RGS12: variants seen among roughly 807,000 people sequenced by gnomAD.
RGS12 encodes the protein regulator of G-protein signaling 12.
Under a neutral mutation model 120.1 loss-of-function variants are expected in RGS12, and 66 were observed. The observed-to-expected ratio is 0.55, with a 90% CI of 0.45 to 0.67. RGS12 has a LOEUF of 0.67. RGS12 is among the 30% of genes least tolerant of loss of function. The pLI is 0.00. For synonymous variants in RGS12, 827 were observed against 804.7 expected (o/e 1.03, Z -0.47); for missense variants, 1,859 against 1,957.7 (o/e 0.95, Z 0.95).
chr4:3,304,511 T>C (rs936644635), intron 1 of RGS12, among the ~76,000 whole-genome samples: 1 of 152,226 alleles, frequency 6.6e-6, no homozygotes, highest in African/African-American at 2.4e-5. Flanking sequence ...GAGCCCGGAC[T>C]GCAGTCAGCC....
chr4:3,437,940 G>T (rs1434338061), intron 17 of RGS12, among the ~76,000 whole-genome samples: 1 of 152,186 alleles, frequency 6.6e-6, no homozygotes, highest in Non-Finnish European at 1.5e-5. Flanking sequence ...TTGGACTGAG[G>T]GTGAGGAGGG....
At chr4:3,395,144 G>A (rs1397709644) in intron 4 of RGS12, among the ~76,000 whole-genome samples, 1 of 151,984 alleles carries the variant, frequency 6.6e-6, no homozygotes, top group African/African-American at 2.4e-5. Context: ...AGTAGGCAGA[G>A]GTTGCAGTGA....
At chr4:3,404,348 T>C (rs1430571883) in intron 4 of RGS12, among the ~76,000 whole-genome samples, 1 of 152,214 alleles carries the variant, frequency 6.6e-6, no homozygotes, top group African/African-American at 2.4e-5. Context: ...AGTGACTGCA[T>C]GGTAGGTATT....
intron 3 of RGS12, among the ~76,000 whole-genome samples, chr4:3,350,856 A>G (rs1235031296): frequency 6.6e-6 from 1 of 152,252 alleles, no homozygotes; most frequent in African/African-American, 2.4e-5. Flanking sequence ...GATGTAACAT[A>G]CAATATGTAT....
At position 3,343,059 on chromosome 4, in the gene RGS12, T is replaced by G; in HGVS notation, c.1998+6T>G. 1 of 1,581,236 alleles carries G rather than the reference T, an allele frequency of 6.3e-7. No homozygotes were observed. The highest frequency in any genetic ancestry group is 1.3e-5 in the African/African-American group (1 of 74,278). On this transcript the variant is annotated splice_donor_region_variant and intron_variant, in intron 3 of 17. Coordinates refer to ENST00000336727, the MANE Select transcript of RGS12 (RefSeq NM_001394154.1). ...GCTCCCTTGATGATCTTGAGGTAAT[T>G]TAATTTTCATTTTTCTTCTTTTCTC...
chr4:3,292,244 G>A (rs991623601), upstream of RGS12, among the ~76,000 whole-genome samples: 1 of 152,142 alleles, frequency 6.6e-6, no homozygotes, highest in Non-Finnish European at 1.5e-5. Flanking sequence ...GGGTGAAGGC[G>A]GCGGCTGGGA....
Position 3,432,317 on chromosome 4 carries a change from T to A in RGS12, c.4114+1362T>A, listed in dbSNP as rs991024452. 4 of 407,242 alleles carry A rather than the reference T, an allele frequency of 9.8e-6. No individual in the cohort carries two copies. In the Admixed American group the frequency reaches 1.9e-4, roughly 20 times the overall value. 25.2% of individuals were successfully genotyped at this position (407,242 alleles called of 1,614,324 possible). On this transcript the variant is annotated intron_variant, in intron 17 of 17. Transcript: ENST00000336727. ...CGTAATCTACTGGCTTTTAAAAATA[T>A]ACCATCCACTGAACAAAACTCTTGA... is the stretch of plus-strand genomic sequence containing the variant.
chr4:3,319,999 A>G (rs923926273), intron 2 of RGS12, among the ~76,000 whole-genome samples: 10 of 152,198 alleles, frequency 6.6e-5, no homozygotes, highest in African/African-American at 2.4e-4. Flanking sequence ...TGTTCTTTGG[A>G]ATCAGGAGAT....
chr4:3,434,753 T>G (rs1180313853), intron 17 of RGS12, among the ~76,000 whole-genome samples: 2 of 152,212 alleles, frequency 1.3e-5, no homozygotes, highest in African/African-American at 4.8e-5. Flanking sequence ...CTTACGGTTG[T>G]GTTGGTAATA....
intron 4 of RGS12, among the ~76,000 whole-genome samples, chr4:3,412,089 C>T (rs555340232): frequency 7.9e-5 from 12 of 152,384 alleles, no homozygotes; most frequent in African/African-American, 2.6e-4. Flanking sequence ...AACTTCCTTT[C>T]GGTCTTCTTT....
At chr4:3,356,851 A>T (rs1214953965) in intron 3 of RGS12, among the ~76,000 whole-genome samples, 2 of 152,164 alleles carry the variant, frequency 1.3e-5, no homozygotes, top group African/African-American at 4.8e-5. Context: ...CACTGCTATG[A>T]ATATGGGTGT....
chr4:3,391,750 G>A (rs1227555542), intron 4 of RGS12, among the ~76,000 whole-genome samples: 1 of 142,756 alleles, frequency 7.0e-6, no homozygotes, highest in East Asian at 1.9e-4. Context: ...AGAGAGGGCT[G>A]CCTGGGGTGT....
At chr4:3,427,404 C>T (rs1438767098) in intron 14 of RGS12, among the ~76,000 whole-genome samples, 2 of 152,246 alleles carry the variant, frequency 1.3e-5, no homozygotes, top group Non-Finnish European at 2.9e-5. Context: ...CAGCAGAGGC[C>T]AGCCTGTGGC....
rs1238646125 is a variant in RGS12 at position 3,433,155 on chromosome 4, G to A, written c.4114+2200G>A. ...GCCTGGACTGAGTGCTGACCTGTCCGTTTTCAGGGTTTAGGAGCTTGGGGG... is the reference window on the plus strand; with the variant it reads ...GCCTGGACTGAGTGCTGACCTGTCCATTTTCAGGGTTTAGGAGCTTGGGGG... On this transcript the variant is annotated intron_variant, in intron 17 of 17. Transcript: ENST00000336727. The surrounding 1 kb of genome is among the most constrained non-coding windows in gnomAD (Gnocchi z 4.4). Among the ~76,000 whole-genome samples, 3 of 152,210 alleles carry A rather than the reference G, an allele frequency of 2.0e-5. No individual in the cohort carries two copies. The highest frequency in any genetic ancestry group is 1.9e-4 in the East Asian group (1 of 5,196).
chr4:3,423,281 G>T (rs1311735934), intron 12 of RGS12, among the ~76,000 whole-genome samples: 1 of 152,214 alleles, frequency 6.6e-6, no homozygotes, highest in Admixed American at 6.5e-5. Flanking sequence ...TGCCCCACAG[G>T]TAGCCAGGCT....
intron 2 of RGS12, among the ~76,000 whole-genome samples, chr4:3,320,951 CAG>C (rs1725140582): frequency 6.6e-6 from 1 of 152,098 alleles, no homozygotes; most frequent in Non-Finnish European, 1.5e-5. Flanking sequence ...AGAGTTGGCA[CAG>C]GGAGGGAGAG....
chr4:3,432,804 G>T (rs1724450042), intron 17 of RGS12, among the ~76,000 whole-genome samples: 1 of 152,216 alleles, frequency 6.6e-6, no homozygotes, highest in African/African-American at 2.4e-5. Flanking sequence ...TGGCTCTTGG[G>T]CTGTCTCCTA....
intron 1 of RGS12, among the ~76,000 whole-genome samples, chr4:3,311,745 C>G (rs1724413043): frequency 6.6e-6 from 1 of 152,174 alleles, no homozygotes; most frequent in African/African-American, 2.4e-5. Flanking sequence ...AGACCTGGGT[C>G]CTATCCAAAC....
chr4:3,315,191 C>T (rs1173629136), intron 1 of RGS12, among the ~76,000 whole-genome samples: 1 of 152,200 alleles, frequency 6.6e-6, no homozygotes, highest in East Asian at 1.9e-4. Flanking sequence ...GGGACATCGC[C>T]CCATGGACCT....
Sources: allele counts gnomAD v4.1 joint callset (sites outside exome capture counted in the v4.1 genomes callset), GRCh38; gene constraint gnomAD v4.1.1; non-coding constraint Gnocchi (gnomAD v3.1); transcripts MANE v1.5; gene names NCBI Gene and HGNC (gene_info 2026-07-23, HGNC 2026-07-21).